Variants in TECTA observed in about 807,000 individuals in gnomAD.
TECTA encodes the protein tectorin alpha.
In TECTA, 128 loss-of-function variants were observed where a neutral mutation model predicts 216.8. That is an observed-to-expected ratio of 0.59 (90% CI 0.51 to 0.68). The LOEUF is 0.68. TECTA is among the 30% of genes least tolerant of loss of function. The probability of loss-of-function intolerance (pLI) is 0.00; values close to 1 mark genes in which losing one functional copy is unlikely to be tolerated. For missense variants in TECTA, 2,551 were observed against 2,786.2 expected, an observed-to-expected ratio of 0.92 and a Z score of 1.90; for synonymous variants, 1,089 against 1,117.1, an observed-to-expected ratio of 0.97 and a Z score of 0.50.
At chr11:121,108,415 CACAA>C (rs1241417327) in intron 3 of TECTA, among the ~76,000 whole-genome samples, 4 of 151,092 alleles carry the variant, frequency 2.6e-5, no homozygotes, top group East Asian at 2.0e-4. Context: ...ATGCCCAGTA[CACAA>C]ACATATACAT....
In TECTA at chr11:121,118,286, C is replaced by T; in HGVS notation, c.791-20C>T. On this transcript the variant is annotated intron_variant, in intron 6 of 23. Coordinates refer to ENST00000392793, the MANE Select transcript of TECTA (RefSeq NM_005422.4). The stretch of plus-strand genomic sequence containing the variant: ...GGGAAATGCTCAGTAAATGTTGGCT[C>T]TAATGTCATTATTCCCCAGGACAAT... 1 of 1,613,890 alleles carries T rather than the reference C, an allele frequency of 6.2e-7. No individual in the cohort carries two copies. The highest frequency in any genetic ancestry group is 8.5e-7 in the Non-Finnish European group (1 of 1,180,004).
intron 10 of TECTA, among the ~76,000 whole-genome samples, chr11:121,130,916 A>G (rs1460522632): frequency 6.6e-6 from 1 of 151,650 alleles, no homozygotes; most frequent in East Asian, 1.9e-4. Context: ...CAAGGCCACC[A>G]TTAAGATTCC....
At chr11:121,128,448 AT>A in intron 9 of TECTA, 104 bp downstream of exon 9, 2 of 1,084,354 alleles carry the variant, frequency 1.8e-6, no homozygotes, top group South Asian at 1.5e-5. Flanking sequence ...CTATGAGTGG[AT>A]TTTAGAAAGA....
In TECTA at chr11:121,125,558, G is replaced by T. The variant is rs1348600068; in HGVS notation, c.1460G>T (p.Gly487Val). The change falls in exon 8 of 24, where the codon GGA becomes GTA. Residue 487 changes from glycine to valine, a missense_variant. By Grantham distance (109) the Gly-to-Val change is moderately radical. Coordinates refer to ENST00000392793, the MANE Select transcript of TECTA (RefSeq NM_005422.4). ...GRPAMSVLDL[G>V]ESWRVYHADW... is the part of the protein sequence containing the mutation. ...CCGGCCATGTCTGTCCTGGATCTGG[G>T]AGAGAGCTGGCGTGTGTACCACGCA... The T allele has an allele frequency of 6.2e-7, 1 of 1,614,148 alleles. No individual in the cohort carries two copies. Among genetic ancestry groups the T allele is most frequent in the Non-Finnish European group, 8.5e-7 (1 of 1,180,038 alleles).
chr11:121,102,846 G>T, intron 2 of TECTA, 117 bp downstream of exon 2: 1 of 858,276 alleles, frequency 1.2e-6, no homozygotes, highest in Non-Finnish European at 1.9e-6. Flanking sequence ...ACAGATACAA[G>T]AGAAAAATGT....
chr11:121,109,199 T>C lies in TECTA; in HGVS notation c.199-12T>C. On this transcript the variant is annotated splice_polypyrimidine_tract_variant and intron_variant, in intron 3 of 23. Coordinates refer to ENST00000392793, the MANE Select transcript of TECTA (RefSeq NM_005422.4). ...TCAGATCCACTGTGCAAAACCTCTC[T>C]TATTTTCGTAGGTCAATAACAACGG... is the stretch of plus-strand genomic sequence containing the variant. The C allele has an allele frequency of 1.2e-6, 2 of 1,614,070 alleles. No individual in the cohort carries two copies. Among genetic ancestry groups the C allele is most frequent in the Non-Finnish European group, 1.7e-6 (2 of 1,180,002 alleles).
In TECTA at chr11:121,152,913, A is replaced by G; in HGVS notation, c.4138A>G (p.Ser1380Gly). Residue 1380 changes from serine (S) to glycine (G), a missense_variant, in exon 13 of 24, where the codon AGC (serine) becomes GGC (glycine). Ser to Gly is a moderately conservative substitution (Grantham distance 56, BLOSUM62 0). This residue lies in a region of TECTA where 2,375 missense variants were observed against 2,563.9 expected (regional missense o/e 0.93). Coordinates refer to ENST00000392793, the MANE Select transcript of TECTA (RefSeq NM_005422.4). ...VTCPPNSHYE[S>G]CVSVCQPRCA... ...CTGCCCTCCAAACAGCCATTACGAG[A>G]GCTGCGTGAGTGTCTGCCAGCCCCG... is the stretch of plus-strand genomic sequence containing the variant. 2.5e-6 allele frequency: 4 copies of G among 1,607,716 alleles called. No individual in the cohort carries two copies. Among genetic ancestry groups the G allele is most frequent in the Non-Finnish European group, 3.4e-6 (4 of 1,174,832 alleles).
At chr11:121,180,102 T>A (rs185267398) in intron 20 of TECTA, among the ~76,000 whole-genome samples, 38 of 152,254 alleles carry the variant, frequency 2.5e-4, no homozygotes, top group African/African-American at 9.1e-4. Flanking sequence ...GTTTTATGGT[T>A]GTTTGTGTAC....
chr11:121,118,534 T>C lies in TECTA; in HGVS notation c.1019T>C (p.Phe340Ser), dbSNP rs1217469513. 2 of 1,614,022 alleles carry C rather than the reference T, an allele frequency of 1.2e-6. No homozygotes were observed. Among genetic ancestry groups the C allele is most frequent in the Non-Finnish European group, 1.7e-6 (2 of 1,180,028 alleles). The change falls in exon 7 of 24, where the codon TTC (phenylalanine) becomes TCC (serine). Residue 340 changes from phenylalanine to serine, a missense_variant. Coordinates refer to ENST00000392793, the MANE Select transcript of TECTA (RefSeq NM_005422.4). ...YHTFDGFLFH[F>S]QGSCAYLLAR... is the part of the protein sequence containing the mutation. Reference sequence around the variant, plus strand: ...ACTTTTGACGGCTTCCTCTTCCACTTCCAAGGCTCCTGTGCCTACTTGCTG... The same window carrying C: ...ACTTTTGACGGCTTCCTCTTCCACTCCCAAGGCTCCTGTGCCTACTTGCTG...
In TECTA at chr11:121,130,128, T is replaced by C. The variant is rs1313831253; in HGVS notation, c.2858T>C (p.Leu953Pro). 1.2e-6 allele frequency: 2 copies of C among 1,611,294 alleles called. No homozygotes were observed. Among genetic ancestry groups the C allele is most frequent in the South Asian group, 2.2e-5 (2 of 91,082 alleles). ...LCQSGGNESE[L>P]CDSVARYASA... ...CAGAGTGGGGGCAATGAGTCAGAGC[T>C]CTGTGACTCTGTGGCCCGGTATGCA... The change falls in exon 10 of 24, where the codon CTC (leucine) becomes CCC (proline). Residue 953 changes from leucine (L) to proline (P), a missense_variant. Physicochemically the swap from Leu to Pro is moderately conservative, Grantham distance 98. This residue lies in a region of TECTA where 2,375 missense variants were observed against 2,563.9 expected (regional missense o/e 0.93). Coordinates refer to ENST00000392793, the MANE Select transcript of TECTA (RefSeq NM_005422.4).
chr11:121,106,850 A>G lies in TECTA; in HGVS notation c.198+886A>G, dbSNP rs147823737. ...TCCCTGAACCTGCAGAAGCAGCGTC[A>G]CACAGGCACTCATTAGCAATGTCAT... On this transcript the variant is annotated intron_variant, in intron 3 of 23. Transcript: ENST00000392793. Among the ~76,000 whole-genome samples, 673 of 152,318 alleles carry G rather than the reference A, an allele frequency of 4.4e-3. 6 individuals are homozygous for G. Among genetic ancestry groups the G allele is most frequent in the African/African-American group, 0.015 (628 of 41,580 alleles).
intron 10 of TECTA, among the ~76,000 whole-genome samples, chr11:121,130,888 TG>T (rs1946667540): frequency 6.6e-6 from 1 of 151,958 alleles, no homozygotes; most frequent in South Asian, 2.1e-4. Context: ...ACCACAAAGG[TG>T]GGCCCCACAC....
intron 10 of TECTA, among the ~76,000 whole-genome samples, chr11:121,131,146 G>A (rs1042476246): frequency 2.7e-5 from 4 of 146,454 alleles, no homozygotes; most frequent in Non-Finnish European, 4.4e-5. Context: ...CCTGGGCTGC[G>A]GAGCTTGCAG....
chr11:121,158,272 G>C (rs774065218), intron 14 of TECTA, 48 bp downstream of exon 14: 2 of 1,603,250 alleles, frequency 1.2e-6, no homozygotes, highest in Non-Finnish European at 1.7e-6. Flanking sequence ...GAAACAAGGG[G>C]TTGGCTAGGG....
At position 121,118,554 on chromosome 11, in the gene TECTA, T is replaced by C. The variant is rs766046274; in HGVS notation, c.1039T>C (p.Leu347=). ...CCACTTCCAAGGCTCCTGTGCCTAC[T>C]TGCTGGCCCGACAGTGTTTGCAGAC... The part of the protein sequence containing the change: ...LFHFQGSCAY[L]LARQCLQTSS... Residue 347 remains leucine, a synonymous_variant, in exon 7 of 24, where the codon TTG becomes CTG. Transcript: ENST00000392793. 6.2e-7 allele frequency: 1 copy of C among 1,614,226 alleles called. No individual in the cohort carries two copies. Among genetic ancestry groups the C allele is most frequent in the Non-Finnish European group, 8.5e-7 (1 of 1,180,044 alleles).
At chr11:121,168,599 TC>T in intron 19 of TECTA, 77 bp from the exon 20 acceptor site, 1 of 1,611,730 alleles carries the variant, frequency 6.2e-7, no homozygotes, top group Non-Finnish European at 8.5e-7. Context: ...CCCTCTGCAT[TC>T]TCAGCCTGAA....
rs775145892 is a variant in TECTA at position 121,127,882 on chromosome 11, G to T, written c.1905G>T (p.Gln635His). 29 of 1,614,078 alleles carry T rather than the reference G, an allele frequency of 1.8e-5. No homozygotes were observed. The highest frequency in any genetic ancestry group is 2.5e-5 in the Non-Finnish European group (29 of 1,180,026). Residue 635 changes from glutamine (Q) to histidine (H), a missense_variant, in exon 9 of 24, where the codon CAG (glutamine) becomes CAT (histidine). Gln to His is a conservative substitution (Grantham distance 24, BLOSUM62 0). This residue lies in a region of TECTA where 2,375 missense variants were observed against 2,563.9 expected (regional missense o/e 0.93). Coordinates refer to ENST00000392793, the MANE Select transcript of TECTA (RefSeq NM_005422.4). This position sits in a 1 kb window ranked among gnomAD's most constrained non-coding sequence, Gnocchi z 5.0. ...GCACAGAGGGCTGCGAGTGCAACCAGGGCTTCGTCCTCAGCACCAGCCAGT... is the reference window on the plus strand; with the variant it reads ...GCACAGAGGGCTGCGAGTGCAACCATGGCTTCGTCCTCAGCACCAGCCAGT... ...TPCTEGCECN[Q>H]GFVLSTSQCV...
intron 12 of TECTA, among the ~76,000 whole-genome samples, chr11:121,151,729 T>A (rs1020911035): frequency 1.1e-4 from 17 of 152,252 alleles, no homozygotes; most frequent in African/African-American, 3.9e-4. Flanking sequence ...AGAGTGGTTA[T>A]ATGAATCAAT....
At position 121,101,305 on chromosome 11, in the gene TECTA, CATT is replaced by C. The variant is rs1316189741; in HGVS notation, c.-135_-133del. Reference sequence around the variant, plus strand: ...TGGTTTTAAGAGTACGAGATTCAGACATTATTTCAGGAATCAGAAATTATTGGC... The same window carrying C: ...TGGTTTTAAGAGTACGAGATTCAGACATTTCAGGAATCAGAAATTATTGGC... On this transcript the variant is annotated 5_prime_UTR_variant, in exon 1 of 24. Transcript: ENST00000392793. The C allele has an allele frequency of 6.6e-6, 1 of 152,150 alleles. No homozygotes were observed. Among genetic ancestry groups the C allele is most frequent in the Non-Finnish European group, 1.5e-5 (1 of 68,034 alleles). 9.4% of individuals were successfully genotyped at this position (152,150 alleles called of 1,614,324 possible).
Sources: gnomAD v4.1 joint callset for allele counts (sites outside exome capture counted in the v4.1 genomes callset) on GRCh38, gnomAD v4.1.1 for gene constraint, gnomAD v4.1.1 regional missense constraint, Gnocchi (gnomAD v3.1) non-coding constraint, MANE v1.5 for transcripts, NCBI Gene and HGNC (gene_info 2026-07-23, HGNC 2026-07-21) for gene names.